The following PPP1R1C variants were observed in gnomAD, a reference collection of about 807,000 sequenced individuals.
The protein encoded by PPP1R1C is protein phosphatase 1 regulatory inhibitor subunit 1C.
PPP1R1C carries 15 observed loss-of-function variants against 17.4 expected under a neutral mutation model. The ratio of observed to expected loss-of-function variants is 0.86; its 90% CI spans 0.58 to 1.33. The LOEUF (loss-of-function observed/expected upper bound fraction) is 1.33. Ranked by LOEUF, PPP1R1C falls within the 40% of genes most tolerant of loss-of-function variation. The pLI is 0.00. For missense variants in PPP1R1C, 143 were observed against 130.0 expected (o/e 1.10, Z -0.48); for synonymous variants, 35 against 43.1 (o/e 0.81, Z 0.73).
At chr2:181,970,818 T>A (rs1391456805) in intron 1 of PPP1R1C, among the ~76,000 whole-genome samples, 1 of 152,108 alleles carries the variant, frequency 6.6e-6, no homozygotes, top group Non-Finnish European at 1.5e-5. Context: ...CCATCTCCTT[T>A]CCACAAGCAG....
At chr2:182,078,105 G>A (rs1038833779) in intron 4 of PPP1R1C, among the ~76,000 whole-genome samples, 1 of 152,122 alleles carries the variant, frequency 6.6e-6, no homozygotes, top group South Asian at 2.1e-4. Context: ...GCTTGAGCCC[G>A]GGTGGCAGAG....
upstream of PPP1R1C, among the ~76,000 whole-genome samples, chr2:181,981,030 G>T (rs1319603285): frequency 1.4e-5 from 2 of 147,772 alleles, no homozygotes; most frequent in Middle Eastern, 3.2e-3. Context: ...CCGGGTTCAC[G>T]CCATTCTCCT....
chr2:181,999,444 G>C (rs1016195199), intron 2 of PPP1R1C, among the ~76,000 whole-genome samples: 1 of 152,114 alleles, frequency 6.6e-6, no homozygotes, highest in African/African-American at 2.4e-5. Context: ...CAGTAAGTAG[G>C]TCTGTAATGT....
intron 2 of PPP1R1C, among the ~76,000 whole-genome samples, chr2:182,054,519 A>G (rs1420643191): frequency 6.6e-6 from 1 of 152,190 alleles, no homozygotes; most frequent in Admixed American, 6.5e-5. Flanking sequence ...AATGTCATTC[A>G]AGAATGTTAT....
At chr2:182,096,166 G>T (rs1574448973) in intron 4 of PPP1R1C, among the ~76,000 whole-genome samples, 2 of 152,146 alleles carry the variant, frequency 1.3e-5, no homozygotes, top group Admixed American at 1.3e-4. Flanking sequence ...GTAGGTAGTT[G>T]TGGGAAAACA....
At chr2:182,065,727 GTC>G (rs1425204094) in intron 4 of PPP1R1C, among the ~76,000 whole-genome samples, 1 of 151,910 alleles carries the variant, frequency 6.6e-6, no homozygotes, top group Non-Finnish European at 1.5e-5. Context: ...GTGAGACCCA[GTC>G]TCTAAAAAAA....
chr2:182,125,619 T>A (rs1292561784), intron 5 of PPP1R1C, among the ~76,000 whole-genome samples: 1 of 152,182 alleles, frequency 6.6e-6, no homozygotes, highest in Non-Finnish European at 1.5e-5. Context: ...CCTAGTTTAG[T>A]CTTGGGAGAG....
intron 2 of PPP1R1C, among the ~76,000 whole-genome samples, chr2:182,001,272 G>A (rs1219232376): frequency 1.3e-5 from 2 of 152,152 alleles, no homozygotes; most frequent in African/African-American, 4.8e-5. Flanking sequence ...ATTAGTGACT[G>A]CAGATGCATA....
At chr2:182,125,232 C>T (rs1689846328) in intron 5 of PPP1R1C, among the ~76,000 whole-genome samples, 1 of 152,142 alleles carries the variant, frequency 6.6e-6, no homozygotes. Context: ...ACCAGCCTTG[C>T]ATCCTAGGGA....
chr2:182,091,488 TAA>T (rs140631695), intron 4 of PPP1R1C, among the ~76,000 whole-genome samples: 10 of 146,426 alleles, frequency 6.8e-5, no homozygotes, highest in Admixed American at 1.3e-4. Context: ...AAAAAAATAA[TAA>T]AAAAAAAAGG....
At chr2:182,046,185 C>T (rs1000771926) in intron 2 of PPP1R1C, among the ~76,000 whole-genome samples, 20 of 151,006 alleles carry the variant, frequency 1.3e-4, no homozygotes, top group African/African-American at 4.4e-4. Flanking sequence ...TACCTAAAAT[C>T]TACTCTCTTA....
intron 1 of PPP1R1C, among the ~76,000 whole-genome samples, chr2:181,970,525 G>A (rs1684987867): frequency 6.6e-6 from 1 of 152,246 alleles, no homozygotes; most frequent in South Asian, 2.1e-4. Flanking sequence ...GCTGTGCAAA[G>A]CCAGCACAGC....
At chr2:182,107,397 G>A (rs17648779) in intron 4 of PPP1R1C, among the ~76,000 whole-genome samples, 53,770 of 152,056 alleles carry the variant, frequency 0.35, 10,095 homozygotes, top group Non-Finnish European at 0.41. Flanking sequence ...TAAAATTCAA[G>A]CATTCTTGTC....
intron 2 of PPP1R1C, among the ~76,000 whole-genome samples, chr2:182,058,385 G>A (rs761791192): frequency 1.8e-4 from 28 of 152,028 alleles, no homozygotes; most frequent in Non-Finnish European, 3.2e-4. Context: ...CGTCTTCATA[G>A]CATCATAGCA....
At chr2:182,062,063 A>G (rs1465522270) in intron 3 of PPP1R1C, among the ~76,000 whole-genome samples, 2 of 152,130 alleles carry the variant, frequency 1.3e-5, no homozygotes, top group Non-Finnish European at 2.9e-5. Context: ...AGCATATAAT[A>G]TAGAATATAT....
At position 181,961,620 on chromosome 2, in the gene PPP1R1C, G is replaced by T. The variant is rs1480381037; in HGVS notation, n.111+6986G>T. 5.4e-6 allele frequency: 4 copies of T among 741,372 alleles called. No individual in the cohort carries two copies. Among genetic ancestry groups the T allele is most frequent in the Non-Finnish European group, 9.8e-6 (4 of 409,186 alleles). 45.9% of individuals were successfully genotyped at this position (741,372 alleles called of 1,614,324 possible). On this transcript the variant is annotated intron_variant and non_coding_transcript_variant, in intron 1 of 5. Coordinates refer to the PPP1R1C transcript ENST00000464264. The surrounding 1 kb of genome is among the most constrained non-coding windows in gnomAD (Gnocchi z 5.8). Reference sequence around the variant, plus strand: ...GCGTCATCTCAGCATCTCCAACCTTGGTGGACTGCGTAGTGACCACTGTGG... The same window carrying T: ...GCGTCATCTCAGCATCTCCAACCTTTGTGGACTGCGTAGTGACCACTGTGG...
At chr2:182,073,447 A>G (rs1559081714) in intron 4 of PPP1R1C, among the ~76,000 whole-genome samples, 1 of 152,230 alleles carries the variant, frequency 6.6e-6, no homozygotes, top group Non-Finnish European at 1.5e-5. Flanking sequence ...TCACACCTTC[A>G]TTCTAGACTC....
chr2:181,975,809 A>G (rs997877858), intron 2 of PPP1R1C, among the ~76,000 whole-genome samples: 3 of 152,060 alleles, frequency 2.0e-5, no homozygotes, highest in Admixed American at 6.5e-5. Flanking sequence ...TAAGAATGTT[A>G]GGAACAGTGT....
At chr2:182,084,483 G>A (rs1252211917) in intron 4 of PPP1R1C, among the ~76,000 whole-genome samples, 2 of 152,034 alleles carry the variant, frequency 1.3e-5, no homozygotes, top group Non-Finnish European at 2.9e-5. Flanking sequence ...TCTTCTACAT[G>A]TGGCTATCCA....
Sources: gnomAD v4.1 joint callset for allele counts (sites outside exome capture counted in the v4.1 genomes callset) on GRCh38, gnomAD v4.1.1 for gene constraint, Gnocchi (gnomAD v3.1) non-coding constraint, MANE v1.5 for transcripts, NCBI Gene and HGNC (gene_info 2026-07-23, HGNC 2026-07-21) for gene names.